Variants in PRKAG2 observed in about 807,000 individuals in gnomAD.
The protein encoded by PRKAG2 is protein kinase AMP-activated non-catalytic subunit gamma 2.
In PRKAG2, 26 loss-of-function variants were observed where a neutral mutation model predicts 69.6. That is an observed-to-expected ratio of 0.37 (90% CI 0.27 to 0.52). The LOEUF is 0.52. Among genes scored for constraint, PRKAG2 ranks in the 20% least tolerant of loss-of-function variants. The probability of loss-of-function intolerance (pLI) is 0.90; values close to 1 mark genes in which losing one functional copy is unlikely to be tolerated. For synonymous variants in PRKAG2, 293 were observed against 285.0 expected, an observed-to-expected ratio of 1.03 and a Z score of -0.28; for missense variants, 557 against 740.0, an observed-to-expected ratio of 0.75 and a Z score of 2.87.
At chr7:151,667,480 G>C (rs1409426086) in intron 4 of PRKAG2, among the ~76,000 whole-genome samples, 1 of 152,234 alleles carries the variant, frequency 6.6e-6, no homozygotes, top group African/African-American at 2.4e-5. Context: ...TGTCTTGGTA[G>C]AGATAGAGGT....
intron 3 of PRKAG2, among the ~76,000 whole-genome samples, chr7:151,692,146 CCA>C (rs1465281681): frequency 6.6e-6 from 1 of 151,924 alleles, no homozygotes; most frequent in Non-Finnish European, 1.5e-5. Context: ...CATGACTGCG[CCA>C]CAGCACTACA....
chr7:151,685,728 C>T (rs77722910), intron 3 of PRKAG2, among the ~76,000 whole-genome samples: 223 of 151,238 alleles, frequency 1.5e-3, no homozygotes, highest in African/African-American at 5.1e-3. Context: ...ACAACTGCGC[C>T]GCTGGACTCC....
At chr7:151,665,417 T>C (rs1478606608) in intron 4 of PRKAG2, among the ~76,000 whole-genome samples, 1 of 152,202 alleles carries the variant, frequency 6.6e-6, no homozygotes, top group Non-Finnish European at 1.5e-5. Context: ...CTCCCAGTCG[T>C]GTGTGTCTCT....
At chr7:151,627,247 A>T (rs565520261) in intron 5 of PRKAG2, among the ~76,000 whole-genome samples, 1 of 152,222 alleles carries the variant, frequency 6.6e-6, no homozygotes, top group African/African-American at 2.4e-5. Flanking sequence ...CTGAAAGACA[A>T]TGCTTTCTTT....
At chr7:151,736,011 G>A (rs1343570718) in intron 3 of PRKAG2, 1 of 1,536,186 alleles carries the variant, frequency 6.5e-7, no homozygotes, top group South Asian at 1.2e-5. Flanking sequence ...TGTGGCCACA[G>A]GAGTGGCGAC....
intron 3 of PRKAG2, among the ~76,000 whole-genome samples, chr7:151,721,722 G>A (rs1371447146): frequency 2.6e-5 from 4 of 152,152 alleles, no homozygotes; most frequent in Admixed American, 2.6e-4. Context: ...AGATGTTTTG[G>A]CCTCGGATAT....
chr7:151,729,801 G>A (rs1798633311), intron 3 of PRKAG2, among the ~76,000 whole-genome samples: 1 of 152,158 alleles, frequency 6.6e-6, no homozygotes, highest in African/African-American at 2.4e-5. Context: ...GGAAGGGTCT[G>A]AGCACAGGCA....
Position 151,694,942 on chromosome 7 carries a change from C to A in PRKAG2, c.467-19305G>T, listed in dbSNP as rs1836348839. Among the ~76,000 whole-genome samples, 3 of 152,254 alleles carry A rather than the reference C, an allele frequency of 2.0e-5. No homozygotes were observed. The East Asian group carries it at 5.8e-4, about 29-fold the overall frequency. On this transcript the variant is annotated intron_variant, in intron 3 of 15. Coordinates refer to ENST00000287878, the MANE Select transcript of PRKAG2 (RefSeq NM_016203.4). ...TCCCTCCGGGTCAGAATCTGTCAGC[C>A]TGTGCCCATGCCTGTCCCTTCCTTC...
At position 151,874,525 on chromosome 7, in the gene PRKAG2, GATGTAT is replaced by G. The variant is rs200152872; in HGVS notation, c.114+1976_114+1981del. ...ATATGATGTATATGTATATGTATAT[GATGTAT>G]ATGTATATGTATATGTATATGTATA... is the stretch of plus-strand genomic sequence containing the variant. On this transcript the variant is annotated intron_variant, in intron 1 of 15. Coordinates refer to ENST00000287878, the MANE Select transcript of PRKAG2 (RefSeq NM_016203.4). Among the ~76,000 whole-genome samples, 105 of 72,512 alleles carry G rather than the reference GATGTAT, an allele frequency of 1.4e-3. 16 individuals are homozygous for G. In the East Asian group the frequency reaches 0.05, roughly 35 times the overall value. The allele number at this position is 72,512 out of a possible 152,430, so 47.6% of individuals were successfully genotyped here.
intron 5 of PRKAG2, among the ~76,000 whole-genome samples, chr7:151,617,089 G>A (rs941933632): frequency 2.0e-5 from 3 of 151,934 alleles, no homozygotes; most frequent in Admixed American, 2.0e-4. Context: ...GAGAAACCCT[G>A]TCTCTACTAA....
At chr7:151,871,826 G>A (rs533834251) in intron 1 of PRKAG2, among the ~76,000 whole-genome samples, 8 of 152,148 alleles carry the variant, frequency 5.3e-5, no homozygotes, top group Non-Finnish European at 1.0e-4. Context: ...CCTAGGCCAC[G>A]GTTCTGTTTA....
intron 3 of PRKAG2, among the ~76,000 whole-genome samples, chr7:151,695,121 G>A (rs1836385246): frequency 6.6e-6 from 1 of 152,198 alleles, no homozygotes; most frequent in Admixed American, 6.5e-5. Flanking sequence ...ATGCCTGGTG[G>A]GGCTGCCCAG....
intron 3 of PRKAG2, among the ~76,000 whole-genome samples, chr7:151,743,345 G>A (rs1220302344): frequency 2.0e-5 from 3 of 152,120 alleles, no homozygotes; most frequent in African/African-American, 7.2e-5. Flanking sequence ...TTATCTCTTA[G>A]CAGTGCCCCG....
rs745577821 is a variant in PRKAG2, at chr7:151,808,701, G to GA, written c.115-22161dup. On this transcript the variant is annotated intron_variant, in intron 1 of 15. Coordinates refer to ENST00000287878, the MANE Select transcript of PRKAG2 (RefSeq NM_016203.4). Reference sequence around the variant, plus strand: ...GCTTTGAGAAGGAAGGTGAACAGGAGAAAAAAAAAAATAGAGGCCTCAGAA... The same window carrying GA: ...GCTTTGAGAAGGAAGGTGAACAGGAGAAAAAAAAAAAATAGAGGCCTCAGAA... 4.1e-3 allele frequency among the ~76,000 whole-genome samples: 594 copies of GA among 145,212 alleles called. 5 individuals carry two copies. The highest frequency in any genetic ancestry group is 0.013 in the African/African-American group (513 of 39,752).
chr7:151,570,656 T>TA (rs1807327732), intron 9 of PRKAG2, among the ~76,000 whole-genome samples: 1 of 152,368 alleles, frequency 6.6e-6, no homozygotes, highest in African/African-American at 2.4e-5. Flanking sequence ...TAAATATTTT[T>TA]AAGTATTATT....
intron 6 of PRKAG2, among the ~76,000 whole-genome samples, chr7:151,587,111 A>G (rs1409443653): frequency 6.6e-6 from 1 of 152,184 alleles, no homozygotes; most frequent in Non-Finnish European, 1.5e-5. Context: ...ACTGAACTCC[A>G]GCCTGGGCGA....
chr7:151,750,220 A>C (rs1163451706), intron 3 of PRKAG2, among the ~76,000 whole-genome samples: 1 of 152,214 alleles, frequency 6.6e-6, no homozygotes, highest in Non-Finnish European at 1.5e-5. Context: ...AACAAGTTAA[A>C]CACAAAATGA....
chr7:151,653,752 GAATCACTTGAACCCTGGA>G (rs1327544101), intron 4 of PRKAG2, among the ~76,000 whole-genome samples: 2 of 152,192 alleles, frequency 1.3e-5, no homozygotes, highest in Admixed American at 1.3e-4. Flanking sequence ...TGAGGCAGGA[GAATCACTTGAACCCTGGA>G]GCTGGAGGTT....
intron 5 of PRKAG2, among the ~76,000 whole-genome samples, chr7:151,596,717 C>T (rs1487970183): frequency 6.6e-6 from 1 of 151,708 alleles, no homozygotes; most frequent in East Asian, 1.9e-4. Flanking sequence ...GCACTGCACT[C>T]CAGCTTTGGT....
Sources: gnomAD v4.1 joint callset for allele counts (sites outside exome capture counted in the v4.1 genomes callset) on GRCh38, gnomAD v4.1.1 for gene constraint, MANE v1.5 for transcripts, NCBI Gene and HGNC (gene_info 2026-07-23, HGNC 2026-07-21) for gene names.